Variants in SLC39A12 observed in about 807,000 individuals in gnomAD.
The protein encoded by SLC39A12 is zinc transporter ZIP12.
SLC39A12 carries 63 observed loss-of-function variants against 71.1 expected under a neutral mutation model. The observed-to-expected ratio is 0.89, with a 90% CI of 0.72 to 1.09. The LOEUF is 1.09. Ranked by LOEUF, SLC39A12 falls within the 50% of genes least tolerant of loss-of-function variation. The pLI is 0.00. For synonymous variants in SLC39A12, 351 were observed against 301.3 expected, an observed-to-expected ratio of 1.16 and a Z score of -1.71; for missense variants, 892 against 812.6, an observed-to-expected ratio of 1.10 and a Z score of -1.19.
intron 10 of SLC39A12, among the ~76,000 whole-genome samples, chr10:17,996,922 C>T (rs1469486663): frequency 6.7e-6 from 1 of 148,532 alleles, no homozygotes; most frequent in Admixed American, 6.9e-5. Flanking sequence ...GGCGTGAACC[C>T]GGGAGGCGGA....
At chr10:18,008,666 T>C (rs1836108254) in intron 12 of SLC39A12, 1 of 152,122 alleles carries the variant, frequency 6.6e-6, no homozygotes, top group African/African-American at 2.4e-5. Context: ...GGAACAGGGA[T>C]CTGTGGTCTG....
At chr10:18,010,073 C>G (rs969820800) in intron 12 of SLC39A12, among the ~76,000 whole-genome samples, 3 of 152,064 alleles carry the variant, frequency 2.0e-5, no homozygotes, top group Non-Finnish European at 4.4e-5. Context: ...AATATTGATC[C>G]CATTCCCTCC....
chr10:18,037,158 C>G lies in SLC39A12; in HGVS notation c.1948-5547C>G, dbSNP rs551176606. On this transcript the variant is annotated intron_variant, in intron 12 of 12. Coordinates refer to ENST00000377369, the MANE Select transcript of SLC39A12 (RefSeq NM_001145195.2). ...TTTGATTTTCCTCTTCTTGAATTACCTGTTTGGTATCTTTTGCCTGATTTT... is the reference window on the plus strand; with the variant it reads ...TTTGATTTTCCTCTTCTTGAATTACGTGTTTGGTATCTTTTGCCTGATTTT... Among the ~76,000 whole-genome samples, 17 of 152,068 alleles carry G rather than the reference C, an allele frequency of 1.1e-4. No homozygotes were observed. The East Asian group carries it at 3.3e-3, about 29-fold the overall frequency.
At position 18,003,190 on chromosome 10, in the gene SLC39A12, A is replaced by C; in HGVS notation, c.1779A>C (p.Leu593Phe). 1 of 1,613,872 alleles carries C rather than the reference A, an allele frequency of 6.2e-7. No homozygotes were observed. The highest frequency in any genetic ancestry group is 8.5e-7 in the Non-Finnish European group (1 of 1,179,950). ...PHEMGDFAVL[L>F]SSGLSMKTAI... ...CTTCAGGAGACTTTGCCGTGCTCTT[A>C]AGCTCTGGACTTTCTATGAAGACTG... The change falls in exon 12 of 13, where the codon TTA (leucine) becomes TTC (phenylalanine). Residue 593 changes from leucine (L) to phenylalanine (F), a missense_variant. Physicochemically the swap from Leu to Phe is conservative, Grantham distance 22. Transcript: ENST00000377369.
At position 17,991,203 on chromosome 10, in the gene SLC39A12, G is replaced by A; in HGVS notation, c.1322G>A (p.Ser441Asn). The A allele has an allele frequency of 1.3e-6, 2 of 1,587,968 alleles. No individual in the cohort carries two copies. The highest frequency in any genetic ancestry group is 1.7e-6 in the Non-Finnish European group (2 of 1,170,450). The change falls in exon 8 of 13, where the codon AGC becomes AAC. Residue 441 changes from serine to asparagine, a missense_variant. Transcript: ENST00000377369. Reference sequence around the variant, plus strand: ...CCAGAATTTGGGCATTTCCATGAAAGCAAAGGTCATATTTGGAAACTGATG... The same window carrying A: ...CCAGAATTTGGGCATTTCCATGAAAACAAAGGTCATATTTGGAAACTGATG... ...EAPEFGHFHE[S>N]KGHIWKLMGL...
At chr10:17,965,453 A>G in intron 3 of SLC39A12, 30 bp from the exon 4 acceptor site, 1 of 1,598,260 alleles carries the variant, frequency 6.3e-7, no homozygotes, top group African/African-American at 1.3e-5. Context: ...AGATGTTACA[A>G]TTTTCTCTTT....
intron 4 of SLC39A12, among the ~76,000 whole-genome samples, chr10:17,971,892 T>C (rs917337984): frequency 6.6e-6 from 1 of 152,182 alleles, no homozygotes; most frequent in African/African-American, 2.4e-5. Flanking sequence ...TGGTTTGCTC[T>C]TGCTGCTCTA....
Position 17,995,649 on chromosome 10 carries a change from A to G in SLC39A12, c.1534-7A>G, listed in dbSNP as rs756627991. On this transcript the variant is annotated splice_region_variant and splice_polypyrimidine_tract_variant and intron_variant, in intron 9 of 12. Coordinates refer to ENST00000377369, the MANE Select transcript of SLC39A12 (RefSeq NM_001145195.2). The stretch of plus-strand genomic sequence containing the variant: ...TCTTTCATCAGTTATTTTTTAATTT[A>G]AAATAGAAAAGCCCAGAAGATTCAC... 1.9e-6 allele frequency: 3 copies of G among 1,609,836 alleles called. No homozygotes were observed. The highest frequency in any genetic ancestry group is 2.5e-6 in the Non-Finnish European group (3 of 1,178,420).
At chr10:18,013,481 C>T (rs1836291712) in intron 12 of SLC39A12, among the ~76,000 whole-genome samples, 2 of 151,740 alleles carry the variant, frequency 1.3e-5, no homozygotes, top group South Asian at 2.1e-4. Context: ...GATTCTCCTA[C>T]CTCAGCCTCC....
At chr10:18,034,183 T>C (rs1401390587) in intron 12 of SLC39A12, among the ~76,000 whole-genome samples, 1 of 152,084 alleles carries the variant, frequency 6.6e-6, no homozygotes, top group East Asian at 1.9e-4. Flanking sequence ...GGTGCAGAGC[T>C]GAGTTCAATT....
chr10:18,042,559 G>C (rs1837288446), intron 12 of SLC39A12, 146 bp from the exon 13 acceptor site: 2 of 621,358 alleles, frequency 3.2e-6, no homozygotes, highest in African/African-American at 1.9e-5. Context: ...AGACATGGTA[G>C]AGTAGGTATT....
At chr10:18,025,209 A>G (rs113096947) in intron 12 of SLC39A12, among the ~76,000 whole-genome samples, 186 of 148,858 alleles carry the variant, frequency 1.2e-3, no homozygotes, top group African/African-American at 4.3e-3. Flanking sequence ...AGCATTTTAC[A>G]TGGTTCTGTT....
At chr10:17,982,553 A>C (rs1835287764) in intron 6 of SLC39A12, among the ~76,000 whole-genome samples, 1 of 152,186 alleles carries the variant, frequency 6.6e-6, no homozygotes. Flanking sequence ...CTAATTGAAA[A>C]TGTTATGTGA....
intron 10 of SLC39A12, among the ~76,000 whole-genome samples, chr10:17,999,657 A>G (rs575953993): frequency 1.3e-5 from 2 of 152,320 alleles, no homozygotes; most frequent in Admixed American, 6.5e-5. Context: ...ATATTATGCA[A>G]TCGAATTCCA....
chr10:17,953,116 C>A, intron 1 of SLC39A12, 75 bp from the exon 2 acceptor site: 1 of 907,270 alleles, frequency 1.1e-6, no homozygotes, highest in East Asian at 2.5e-5. Context: ...TCAGCTTAGC[C>A]ACCCAATTAA....
At chr10:18,030,349 T>TG (rs941123223) in intron 12 of SLC39A12, among the ~76,000 whole-genome samples, 1 of 151,802 alleles carries the variant, frequency 6.6e-6, no homozygotes, top group African/African-American at 2.4e-5. Flanking sequence ...GCCATTCTCC[T>TG]GCCTCAGCTT....
At position 18,003,216 on chromosome 10, in the gene SLC39A12, C is replaced by A; in HGVS notation, c.1805C>A (p.Ala602Asp). Residue 602 changes from alanine (A) to aspartate (D), a missense_variant, in exon 12 of 13, where the codon GCC (alanine) becomes GAC (aspartate). Ala to Asp is a moderately radical substitution (Grantham distance 126). Coordinates refer to ENST00000377369, the MANE Select transcript of SLC39A12 (RefSeq NM_001145195.2). ...LLSSGLSMKTAILMNFISSLT... is the reference protein window; with the variant it reads ...LLSSGLSMKTDILMNFISSLT... ...AGCTCTGGACTTTCTATGAAGACTGCCATCCTGATGAATTTTATAAGCTCC... is the reference window on the plus strand; with the variant it reads ...AGCTCTGGACTTTCTATGAAGACTGACATCCTGATGAATTTTATAAGCTCC... The A allele has an allele frequency of 6.2e-7, 1 of 1,614,050 alleles. No individual in the cohort carries two copies. Among genetic ancestry groups the A allele is most frequent in the Non-Finnish European group, 8.5e-7 (1 of 1,179,984 alleles).
rs535080674 is a variant in SLC39A12 at position 17,988,822 on chromosome 10, C to T, written c.1269+1171C>T. Reference sequence around the variant, plus strand: ...AGTGGACAGCTTCCCCACAGCTCCACGGCTCACTGGCCTTCCTCCCTTTTC... The same window carrying T: ...AGTGGACAGCTTCCCCACAGCTCCATGGCTCACTGGCCTTCCTCCCTTTTC... On this transcript the variant is annotated intron_variant, in intron 7 of 12. Coordinates refer to ENST00000377369, the MANE Select transcript of SLC39A12 (RefSeq NM_001145195.2). 1.3e-4 allele frequency among the ~76,000 whole-genome samples: 20 copies of T among 152,340 alleles called. 1 individual carries two copies. The South Asian group carries it at 2.3e-3, about 17-fold the overall frequency.
intron 4 of SLC39A12, among the ~76,000 whole-genome samples, chr10:17,967,899 ATAT>A (rs1322614120): frequency 0.023 from 2,302 of 101,456 alleles, 65 homozygotes; most frequent in African/African-American, 0.081. Flanking sequence ...AAAAAAAAAA[ATAT>A]ATATATATAT....
Sources: gnomAD v4.1 joint callset for allele counts (sites outside exome capture counted in the v4.1 genomes callset) on GRCh38, gnomAD v4.1.1 for gene constraint, MANE v1.5 for transcripts, NCBI Gene and HGNC (gene_info 2026-07-23, HGNC 2026-07-21) for gene names.